Variants in LRRK2 observed in about 807,000 individuals in gnomAD.
LRRK2 encodes the protein leucine-rich repeat serine/threonine-protein kinase 2.
LRRK2 carries 203 observed loss-of-function variants against 302.6 expected under a neutral mutation model. The ratio of observed to expected loss-of-function variants is 0.67; its 90% CI spans 0.60 to 0.75. LRRK2 has a LOEUF of 0.75. Among genes scored for constraint, LRRK2 ranks in the 30% least tolerant of loss-of-function variants. The probability of loss-of-function intolerance (pLI) is 0.00; values close to 1 mark genes in which losing one functional copy is unlikely to be tolerated. For missense variants in LRRK2, 2,830 were observed against 2,951.0 expected (o/e 0.96, Z 0.95); for synonymous variants, 1,066 against 1,031.9 (o/e 1.03, Z -0.63).
intron 2 of LRRK2, among the ~76,000 whole-genome samples, chr12:40,226,759 C>T (rs944373643): frequency 6.6e-6 from 1 of 152,162 alleles, no homozygotes; most frequent in African/African-American, 2.4e-5. Context: ...GACTCAAAGT[C>T]GGAATTTTGC....
At chr12:40,363,214 G>C (rs548131609) in intron 47 of LRRK2, among the ~76,000 whole-genome samples, 188 bp from the exon 48 acceptor site, 1 of 151,968 alleles carries the variant, frequency 6.6e-6, no homozygotes, top group Non-Finnish European at 1.5e-5. Context: ...AGTAAGTAAA[G>C]TACCAAAGCA....
intron 14 of LRRK2, among the ~76,000 whole-genome samples, chr12:40,274,045 C>G (rs564038167): frequency 4.6e-5 from 7 of 152,118 alleles, no homozygotes; most frequent in Non-Finnish European, 8.8e-5. Flanking sequence ...GCTTTTATTT[C>G]TGCATCTTTA....
In LRRK2 at chr12:40,303,978, T is replaced by G. The variant is rs1944717784; in HGVS notation, c.3621T>G (p.Asp1207Glu). ...GGTCTTTAGATATGAGCAGCAATGA[T>G]ATTCAGTACCTACCAGGTCCCGCAC... is the stretch of plus-strand genomic sequence containing the variant. ...HLRSLDMSSNDIQYLPGPAHW... is the reference protein window; with the variant it reads ...HLRSLDMSSNEIQYLPGPAHW... Residue 1207 changes from aspartate to glutamate, a missense_variant, in exon 27 of 51, where the codon GAT becomes GAG. Asp to Glu is a conservative substitution (Grantham distance 45). Around this residue, in one of 3 missense-constraint regions of LRRK2, gnomAD observed 2,121 missense variants for 2,148.0 expected, o/e 0.99. Transcript: ENST00000298910. 1 of 1,613,696 alleles carries G rather than the reference T, an allele frequency of 6.2e-7. No homozygotes were observed.
intron 36 of LRRK2, 61 bp downstream of exon 36, chr12:40,322,242 A>T (rs1248390618): frequency 8.8e-6 from 14 of 1,583,876 alleles, no homozygotes; most frequent in Non-Finnish European, 1.2e-5. Context: ...ACTTAAAAAA[A>T]AAAAAAACTT....
At chr12:40,300,470 T>C (rs1278872658) in intron 25 of LRRK2, among the ~76,000 whole-genome samples, 1 of 152,204 alleles carries the variant, frequency 6.6e-6, no homozygotes, top group Non-Finnish European at 1.5e-5. Context: ...GTAAAATAAT[T>C]TTTAATTCTA....
At chr12:40,304,466 C>A in intron 27 of LRRK2, 1 of 291,816 alleles carries the variant, frequency 3.4e-6, no homozygotes, top group Non-Finnish European at 6.3e-6. Context: ...GAAAGCTAAA[C>A]AGCTAGATAT....
chr12:40,228,072 C>G (rs1428656635), intron 2 of LRRK2, among the ~76,000 whole-genome samples: 1 of 152,106 alleles, frequency 6.6e-6, no homozygotes, highest in Non-Finnish European at 1.5e-5. Flanking sequence ...CTTTGATATA[C>G]TGATGTTCTT....
chr12:40,353,739 C>G (rs997293989), intron 44 of LRRK2, among the ~76,000 whole-genome samples: 1 of 152,218 alleles, frequency 6.6e-6, no homozygotes, highest in Admixed American at 6.5e-5. Flanking sequence ...CCCGGCACCT[C>G]GGGAGGCCGA....
intron 47 of LRRK2, among the ~76,000 whole-genome samples, chr12:40,362,616 GA>G (rs1258005677): frequency 6.6e-6 from 1 of 152,084 alleles, no homozygotes; most frequent in African/African-American, 2.4e-5. Flanking sequence ...CACCAGTGGG[GA>G]AAAGGGACTG....
At position 40,351,638 on chromosome 12, in the gene LRRK2, A is replaced by G; in HGVS notation, c.6481A>G (p.Asn2161Asp). The G allele has an allele frequency of 6.2e-7, 1 of 1,614,222 alleles. No individual in the cohort carries two copies. Among genetic ancestry groups the G allele is most frequent in the Middle Eastern group, 1.6e-4 (1 of 6,062 alleles). The stretch of plus-strand genomic sequence containing the variant: ...TGAATGCATGGTTGCTACACATCAC[A>G]ACAGCAGGAATGCAAGCATTTGGCT... Reference protein sequence around the residue: ...IVECMVATHHNSRNASIWLGC... With the variant: ...IVECMVATHHDSRNASIWLGC... The change falls in exon 44 of 51, where the codon AAC becomes GAC. Residue 2161 changes from asparagine to aspartate, a missense_variant. Asn to Asp is a conservative substitution (Grantham distance 23, BLOSUM62 1). Around this residue, in one of 3 missense-constraint regions of LRRK2, gnomAD observed 456 missense variants for 456.3 expected, o/e 1.00. Transcript: ENST00000298910.
intron 6 of LRRK2, among the ~76,000 whole-genome samples, chr12:40,243,157 A>G (rs75585436): frequency 2.8e-5 from 4 of 143,780 alleles, no homozygotes; most frequent in Admixed American, 7.0e-5. Context: ...ATGTGTCTGG[A>G]AAAAAAAAAA....
intron 13 of LRRK2, 67 bp downstream of exon 13, chr12:40,259,671 A>G (rs1942684066): frequency 6.3e-7 from 1 of 1,583,594 alleles, no homozygotes. Context: ...TTCATGAAAT[A>G]GCAATATTCT....
chr12:40,361,355 C>A (rs776250344), intron 47 of LRRK2, among the ~76,000 whole-genome samples: 1 of 151,880 alleles, frequency 6.6e-6, no homozygotes, highest in Non-Finnish European at 1.5e-5. Flanking sequence ...TTTTATTTTT[C>A]AAATTTAATT....
rs2136754514 is a variant in LRRK2 at position 40,299,874 on chromosome 12, G to T, written c.3496+617G>T. On this transcript the variant is annotated intron_variant, in intron 25 of 50. Transcript: ENST00000298910. ...AGAAGGGATTTATTGAAAGTCTCTG[G>T]ACTGTGTGCTCAATTTTCCTGTGTA... 2.0e-5 allele frequency among the ~76,000 whole-genome samples: 3 copies of T among 152,146 alleles called. No individual in the cohort carries two copies. The Middle Eastern group carries it at 0.01, about 518-fold the overall frequency.
At chr12:40,231,750 A>G (rs1281071707) in intron 2 of LRRK2, among the ~76,000 whole-genome samples, 1 of 147,304 alleles carries the variant, frequency 6.8e-6, no homozygotes, top group African/African-American at 2.5e-5. Flanking sequence ...ATATGTATTT[A>G]TATATATAAA....
At position 40,363,384 on chromosome 12, in the gene LRRK2, A is replaced by G; in HGVS notation, c.7029-18A>G. The G allele has an allele frequency of 6.2e-7, 1 of 1,600,528 alleles. No homozygotes were observed. The stretch of plus-strand genomic sequence containing the variant: ...AGAAAACAAATAGTGATGACTTTCT[A>G]TTTTTTTTTCTCTGTAGGTTTTCTT... On this transcript the variant is annotated intron_variant, in intron 47 of 50. Coordinates refer to ENST00000298910, the MANE Select transcript of LRRK2 (RefSeq NM_198578.4).
chr12:40,270,446 T>C (rs1943183816), intron 14 of LRRK2, among the ~76,000 whole-genome samples: 1 of 152,190 alleles, frequency 6.6e-6, no homozygotes, highest in Non-Finnish European at 1.5e-5. Context: ...TTAGAAAAGT[T>C]TAATTCCCTG....
intron 14 of LRRK2, among the ~76,000 whole-genome samples, chr12:40,268,562 AT>A (rs1010346175): frequency 1.1e-4 from 16 of 152,256 alleles, no homozygotes; most frequent in African/African-American, 3.8e-4. Flanking sequence ...GAAGGACTAA[AT>A]TTTTAAAAAT....
chr12:40,325,967 C>G (rs1945535147), intron 38 of LRRK2, among the ~76,000 whole-genome samples: 1 of 152,112 alleles, frequency 6.6e-6, no homozygotes, highest in East Asian at 1.9e-4. Context: ...TCTGGAGAGC[C>G]AAGACAGGTA....
Sources: allele counts gnomAD v4.1 joint callset (sites outside exome capture counted in the v4.1 genomes callset), GRCh38; gene constraint gnomAD v4.1.1; regional missense constraint gnomAD v4.1.1; transcripts MANE v1.5; gene names NCBI Gene and HGNC (gene_info 2026-07-23, HGNC 2026-07-21).